The following CRIPTO3 variants were observed in gnomAD, a reference collection of about 807,000 sequenced individuals.
CRIPTO3 encodes the protein protein CRIPTO3.
the CRIPTO3 span, chrX:110,521,617 C>G: frequency 1.7e-6 from 2 of 1,210,481 alleles, no homozygotes; most frequent in African/African-American, 3.5e-5. Context: ...GCTTCCAGGA[C>G]TCCAGAACTA....
chrX:110,521,352 A>C, the CRIPTO3 span: 2 of 1,209,665 alleles, frequency 1.7e-6, no homozygotes, highest in Non-Finnish European at 2.2e-6. Context: ...AATACAGCAC[A>C]GTAAGGAGCT....
chrX:110,522,283 T>C, the CRIPTO3 span: 7 of 127,256 alleles, frequency 5.5e-5, no homozygotes. Flanking sequence ...CATGTAATTC[T>C]ACCAAGGTCT....
chrX:110,521,964 T>C, the CRIPTO3 span: 1 of 432,127 alleles, frequency 2.3e-6, no homozygotes, highest in Non-Finnish European at 4.0e-6. Flanking sequence ...AGTGTTTCTT[T>C]TTTTTTTTTG....
At chrX:110,521,463 A>G in the CRIPTO3 span, 1 of 1,211,706 alleles carries the variant, frequency 8.3e-7, no homozygotes, top group Non-Finnish European at 1.1e-6. Context: ...CGATGTGCGC[A>G]AAGAGAACTG....
chrX:110,521,907 T>A, the CRIPTO3 span: 1 of 447,043 alleles, frequency 2.2e-6, no homozygotes, highest in Non-Finnish European at 3.9e-6. Flanking sequence ...AAAAACTACT[T>A]CTTTTTTCAA....
the CRIPTO3 span, chrX:110,521,256 G>A: frequency 8.5e-6 from 10 of 1,175,220 alleles, no homozygotes; most frequent in African/African-American, 1.1e-4. Flanking sequence ...ATCTCGGGGA[G>A]ACCTGGCCTT....
At chrX:110,522,306 C>A in the CRIPTO3 span, 451 of 118,754 alleles carry the variant, frequency 3.8e-3, 1 homozygote, top group Middle Eastern at 8.8e-3. Flanking sequence ...TTAATATGTT[C>A]TTTTAAATGA....
the CRIPTO3 span, chrX:110,521,044 G>A: frequency 2.1e-5 from 17 of 826,554 alleles, no homozygotes; most frequent in Non-Finnish European, 2.7e-5. Context: ...CGCTTTAGGA[G>A]ATGAATGTTT....
the CRIPTO3 span, chrX:110,521,231 G>A: frequency 1.0e-5 from 12 of 1,160,251 alleles, no homozygotes; most frequent in Non-Finnish European, 1.4e-5. Context: ...TGGGCCATCA[G>A]GAATTTGCTC....
the CRIPTO3 span, chrX:110,521,163 A>G: frequency 1.8e-6 from 2 of 1,117,530 alleles, no homozygotes; most frequent in Non-Finnish European, 2.5e-6. Context: ...CTTCTCTTAC[A>G]GTGTGATTTG....
At chrX:110,521,271 G>C in the CRIPTO3 span, 2 of 1,188,613 alleles carry the variant, frequency 1.7e-6, no homozygotes, top group Non-Finnish European at 2.3e-6. Context: ...GGCCTTCAGA[G>C]ATGACAGCAT....
chrX:110,521,895 C>CA, the CRIPTO3 span: 2 of 448,191 alleles, frequency 4.5e-6, no homozygotes, highest in Non-Finnish European at 7.8e-6. Context: ...TGCCCTCTCC[C>CA]AAAAAACTAC....
the CRIPTO3 span, chrX:110,522,018 C>T: frequency 4.5e-5 from 18 of 403,140 alleles, no homozygotes; most frequent in South Asian, 1.4e-4. Context: ...TGCAATGACG[C>T]GATCTCGGTT....
the CRIPTO3 span, chrX:110,521,796 T>C: frequency 1.4e-6 from 1 of 709,218 alleles, no homozygotes; most frequent in Non-Finnish European, 2.2e-6. Context: ...AAGATGATCA[T>C]TTGTTAGTTG....
At chrX:110,521,164 G>A in the CRIPTO3 span, 111 of 1,117,377 alleles carry the variant, frequency 9.9e-5, no homozygotes, top group South Asian at 1.9e-3. Flanking sequence ...TTCTCTTACA[G>A]TGTGATTTGG....
At chrX:110,522,299 A>G in the CRIPTO3 span, 2 of 120,990 alleles carry the variant, frequency 1.7e-5, no homozygotes, top group African/African-American at 3.2e-5. Context: ...GGTCTTCTTA[A>G]TATGTTCTTT....
the CRIPTO3 span, chrX:110,522,426 G>T: frequency 1.8e-5 from 2 of 112,156 alleles, no homozygotes; most frequent in Non-Finnish European, 3.7e-5. Context: ...TAAAAGGAAA[G>T]AAAACATCTT....
chrX:110,522,098 G>A, the CRIPTO3 span: 3 of 334,329 alleles, frequency 9.0e-6, no homozygotes, highest in Non-Finnish European at 1.0e-5. Context: ...TGGGATTACA[G>A]GCATGTGTCA....
chrX:110,521,052 T>C, the CRIPTO3 span: 53 of 885,680 alleles, frequency 6.0e-5, no homozygotes, highest in Non-Finnish European at 8.7e-5. Flanking sequence ...GAGATGAATG[T>C]TTTCCTTTGG....
Sources: gnomAD v4.1 joint callset for allele counts on GRCh38, gnomAD v4.1.1 for gene constraint, MANE v1.5 for transcripts, NCBI Gene and HGNC (gene_info 2026-07-23, HGNC 2026-07-21) for gene names.